The following FAM193A variants were observed in gnomAD, a reference collection of about 807,000 sequenced individuals.
The protein encoded by FAM193A is protein FAM193A.
A neutral mutation model predicts 126.5 loss-of-function variants in FAM193A; 22 were observed. That is an observed-to-expected ratio of 0.17 (90% CI 0.12 to 0.25). The LOEUF is 0.25. Among genes scored for constraint, FAM193A ranks in the 10% least tolerant of loss-of-function variants. FAM193A has a pLI of 1.00. For synonymous variants in FAM193A, 761 were observed against 646.8 expected, an observed-to-expected ratio of 1.18 and a Z score of -2.68; for missense variants, 1,675 against 1,672.8, an observed-to-expected ratio of 1.00 and a Z score of -0.02.
chr4:2,645,800 T>C (rs1745077692), intron 6 of FAM193A, among the ~76,000 whole-genome samples: 1 of 152,216 alleles, frequency 6.6e-6, no homozygotes, highest in South Asian at 2.1e-4. Context: ...GTGCTGGGAT[T>C]ACAGGCGTGA....
chr4:2,711,586 C>T (rs1229587700), intron 19 of FAM193A, among the ~76,000 whole-genome samples: 3 of 151,732 alleles, frequency 2.0e-5, no homozygotes, highest in East Asian at 2.0e-4. Flanking sequence ...GTGATCCACC[C>T]GCCTCTGCCT....
At chr4:2,635,332 G>A (rs1743982569) in intron 5 of FAM193A, among the ~76,000 whole-genome samples, 2 of 152,012 alleles carry the variant, frequency 1.3e-5, no homozygotes, top group Admixed American at 6.6e-5. Flanking sequence ...TAAAAATTTA[G>A]GACCCCGAAG....
intron 1 of FAM193A, among the ~76,000 whole-genome samples, chr4:2,546,217 C>T (rs1056035816): frequency 6.6e-6 from 1 of 151,208 alleles, no homozygotes; most frequent in Non-Finnish European, 1.5e-5. Context: ...ATCTCAAACT[C>T]CTGGGCTCAA....
At chr4:2,540,120 A>C (rs1040504884) in intron 1 of FAM193A, among the ~76,000 whole-genome samples, 1 of 62,034 alleles carries the variant, frequency 1.6e-5, no homozygotes, top group Non-Finnish European at 4.8e-5. Context: ...CTCTGTCTCA[A>C]AAAAAAAAAA....
chr4:2,607,802 G>T (rs772613111), intron 2 of FAM193A: 36 of 542,468 alleles, frequency 6.6e-5, no homozygotes, highest in Non-Finnish European at 1.1e-4. Flanking sequence ...GCTCTGTTGG[G>T]TTGTCTTTTT....
At chr4:2,720,645 T>C (rs1720027886) in intron 20 of FAM193A, among the ~76,000 whole-genome samples, 1 of 131,502 alleles carries the variant, frequency 7.6e-6, no homozygotes. Context: ...TGAGACTCTG[T>C]CTAAAAAAAA....
chr4:2,590,760 G>C (rs111959096), intron 1 of FAM193A, among the ~76,000 whole-genome samples: 2 of 151,912 alleles, frequency 1.3e-5, no homozygotes, highest in African/African-American at 4.8e-5. Flanking sequence ...AGGCGCAGTG[G>C]CTCACACCTG....
chr4:2,725,855 G>A (rs991108329), intron 20 of FAM193A, among the ~76,000 whole-genome samples: 1 of 151,882 alleles, frequency 6.6e-6, no homozygotes, highest in African/African-American at 2.4e-5. Context: ...GGGACTACAG[G>A]CGTGGGCCAC....
At chr4:2,567,033 A>G (rs1170270989) in intron 1 of FAM193A, among the ~76,000 whole-genome samples, 20 of 148,426 alleles carry the variant, frequency 1.3e-4, no homozygotes, top group African/African-American at 4.5e-4. Context: ...TCCGCCTCCC[A>G]GGTTCACGCC....
At chr4:2,644,468 T>A (rs1186195187) in intron 6 of FAM193A, among the ~76,000 whole-genome samples, 1 of 152,060 alleles carries the variant, frequency 6.6e-6, no homozygotes, top group Non-Finnish European at 1.5e-5. Flanking sequence ...AAAAACTACT[T>A]CACGGGCTGC....
At chr4:2,647,792 G>A (rs1014058178) in intron 7 of FAM193A, among the ~76,000 whole-genome samples, 6 of 152,200 alleles carry the variant, frequency 3.9e-5, no homozygotes, top group Admixed American at 1.3e-4. Flanking sequence ...GGGTAAAGAA[G>A]GAATGACTGA....
intron 1 of FAM193A, among the ~76,000 whole-genome samples, chr4:2,551,574 C>CTTT (rs1242181600): frequency 2.0e-4 from 30 of 152,146 alleles, no homozygotes; most frequent in African/African-American, 7.0e-4. Flanking sequence ...GAGTTGTCTG[C>CTTT]AGTATTGCTT....
chr4:2,706,770 C>A (rs1282733628), intron 19 of FAM193A, among the ~76,000 whole-genome samples: 1 of 151,262 alleles, frequency 6.6e-6, no homozygotes, highest in Non-Finnish European at 1.5e-5. Flanking sequence ...CAGTATTTCC[C>A]AGGCTATTTC....
chr4:2,711,275 C>T (rs902936274), intron 19 of FAM193A, among the ~76,000 whole-genome samples: 4 of 152,058 alleles, frequency 2.6e-5, no homozygotes, highest in Admixed American at 2.6e-4. Context: ...GAACTTTCCT[C>T]TGATCTTTTT....
intron 2 of FAM193A, among the ~76,000 whole-genome samples, chr4:2,600,365 T>C (rs1741126125): frequency 6.6e-6 from 1 of 152,240 alleles, no homozygotes; most frequent in Non-Finnish European, 1.5e-5. Context: ...TTGGTTATGC[T>C]GGTCCAGCCC....
At position 2,696,467 on chromosome 4, in the gene FAM193A, C is replaced by A. The variant is rs1260970968; in HGVS notation, c.3381C>A (p.Ile1127=). The change falls in exon 18 of 21, where the codon ATC becomes ATA. Residue 1127 remains isoleucine (I), a synonymous_variant. Transcript: ENST00000637812. The stretch of plus-strand genomic sequence containing the variant: ...AGCAACCTAAAAAAATGGACCAGAT[C>A]TCAGAAAGGGAAAGCGTCGTTGACC... ...KEEQPKKMDQ[I]SERESVVDHR... is the part of the protein sequence containing the mutation. 9 of 1,614,190 alleles carry A rather than the reference C, an allele frequency of 5.6e-6. No homozygotes were observed. Among genetic ancestry groups the A allele is most frequent in the Non-Finnish European group, 6.8e-6 (8 of 1,180,012 alleles).
chr4:2,625,818 C>A (rs1021901280), intron 3 of FAM193A, among the ~76,000 whole-genome samples: 2 of 151,076 alleles, frequency 1.3e-5, no homozygotes, highest in Non-Finnish European at 2.9e-5. Flanking sequence ...CCTCCGCCTT[C>A]CAGGCTCAAG....
rs2109117125 is a variant in FAM193A at position 2,662,702 on chromosome 4, A to C, written c.1746-136A>C. The C allele has an allele frequency of 7.5e-6, 4 of 534,872 alleles. No individual in the cohort carries two copies. The South Asian group carries it at 1.8e-4, about 24-fold the overall frequency. The allele number at this position is 534,872 out of a possible 1,614,324, so 33.1% of individuals were successfully genotyped here. ...GAGGTTACTAAGAAATGTTAGTGGT[A>C]GGAATGATACTTAACTAATACTCTT... On this transcript the variant is annotated intron_variant, in intron 10 of 20. Coordinates refer to ENST00000637812, the MANE Select transcript of FAM193A (RefSeq NM_001366318.2).
intron 20 of FAM193A, among the ~76,000 whole-genome samples, chr4:2,716,667 G>A (rs1719568798): frequency 6.6e-6 from 1 of 152,058 alleles, no homozygotes; most frequent in African/African-American, 2.4e-5. Flanking sequence ...ATTATTAATG[G>A]CAACAAAATT....
Sources: allele counts gnomAD v4.1 joint callset (sites outside exome capture counted in the v4.1 genomes callset), GRCh38; gene constraint gnomAD v4.1.1; transcripts MANE v1.5; gene names NCBI Gene and HGNC (gene_info 2026-07-23, HGNC 2026-07-21).